C8orf74: variants seen among roughly 807,000 people sequenced by gnomAD.
The protein encoded by C8orf74 is chromosome 8 open reading frame 74, also known as uncharacterized protein C8orf74.
In C8orf74, 29 loss-of-function variants were observed where a neutral mutation model predicts 22.2. The observed-to-expected ratio is 1.31, with a 90% CI of 0.97 to 1.78. The LOEUF is 1.78. C8orf74 is among the 40% of genes most tolerant of loss of function. The probability of loss-of-function intolerance (pLI) is 0.00; values close to 1 mark genes in which losing one functional copy is unlikely to be tolerated. For synonymous variants in C8orf74, 255 were observed against 163.1 expected, an observed-to-expected ratio of 1.56 and a Z score of -4.30; for missense variants, 515 against 369.9, an observed-to-expected ratio of 1.39 and a Z score of -3.22.
rs796426062 is a variant in C8orf74 at position 10,688,198 on chromosome 8, C to T, written c.242-9401C>T. The stretch of plus-strand genomic sequence containing the variant: ...CCAGCCTGGGCAACAGAGCAAGACT[C>T]CACCTCCAGAAAAAAAAAAAAAAGA... On this transcript the variant is annotated intron_variant, in intron 2 of 3. Transcript: ENST00000304519. 50 of 148,022 alleles carry T rather than the reference C, an allele frequency of 3.4e-4. 1 individual carries two copies. The highest frequency in any genetic ancestry group is 1.3e-3 in the African/African-American group (50 of 39,234). The allele number at this position is 148,022 out of a possible 1,614,324, so 9.2% of individuals were successfully genotyped here.
At chr8:10,687,005 G>T in intron 2 of C8orf74, 1 of 437,170 alleles carries the variant, frequency 2.3e-6, no homozygotes, top group Non-Finnish European at 4.6e-6. Context: ...CAACCGCCAA[G>T]AAGGGATTAG....
intron 2 of C8orf74, among the ~76,000 whole-genome samples, chr8:10,694,232 G>C (rs1476990091): frequency 1.2e-4 from 18 of 152,108 alleles, no homozygotes; most frequent in African/African-American, 4.1e-4. Context: ...TCATAGTATT[G>C]CCAGAATCTT....
intron 2 of C8orf74, among the ~76,000 whole-genome samples, chr8:10,680,546 C>T (rs577064635): frequency 6.6e-5 from 10 of 152,322 alleles, no homozygotes; most frequent in East Asian, 1.9e-4. Flanking sequence ...AGGAGCTGCA[C>T]GCAGGCCATC....
chr8:10,700,454 G>C lies in C8orf74; in HGVS notation c.868G>C (p.Ala290Pro). Reference protein sequence around the residue: ...KPQRASKGKKAKARK With the variant: ...KPQRASKGKKPKARK Reference sequence around the variant, plus strand: ...CCAAAGAGCGAGCAAAGGAAAGAAAGCGAAGGCAAGGAAGTAGAAGGTCCC... The same window carrying C: ...CCAAAGAGCGAGCAAAGGAAAGAAACCGAAGGCAAGGAAGTAGAAGGTCCC... Residue 290 changes from alanine to proline, a missense_variant, in exon 4 of 4, where the codon GCG becomes CCG. Ala to Pro is a conservative substitution (Grantham distance 27). Coordinates refer to ENST00000304519, the MANE Select transcript of C8orf74 (RefSeq NM_001040032.2). 1 of 1,545,102 alleles carries C rather than the reference G, an allele frequency of 6.5e-7. No homozygotes were observed. Among genetic ancestry groups the C allele is most frequent in the Non-Finnish European group, 8.8e-7 (1 of 1,141,400 alleles).
intron 2 of C8orf74, chr8:10,675,533 A>G (rs901492395): frequency 2.0e-5 from 3 of 152,236 alleles, no homozygotes; most frequent in Non-Finnish European, 4.4e-5. Flanking sequence ...GGATACTTCC[A>G]TGCTTTCTAA....
chr8:10,684,736 C>T (rs1799224881), intron 2 of C8orf74, among the ~76,000 whole-genome samples: 1 of 152,244 alleles, frequency 6.6e-6, no homozygotes, highest in South Asian at 2.1e-4. Context: ...TTAGAAACCT[C>T]AGCATATGAT....
At chr8:10,689,719 T>C (rs1471060509) in intron 2 of C8orf74, 1 of 152,216 alleles carries the variant, frequency 6.6e-6, no homozygotes, top group Non-Finnish European at 1.5e-5. Context: ...ATATGTATTA[T>C]GTACTGTGTT....
chr8:10,683,137 T>G (rs1184637467), intron 2 of C8orf74, among the ~76,000 whole-genome samples: 1 of 152,192 alleles, frequency 6.6e-6, no homozygotes, highest in African/African-American at 2.4e-5. Flanking sequence ...GGGCCAGGGC[T>G]GCGGAGTGCA....
intron 2 of C8orf74, among the ~76,000 whole-genome samples, chr8:10,697,397 G>C (rs756815810): frequency 9.2e-5 from 14 of 152,198 alleles, no homozygotes; most frequent in Admixed American, 3.3e-4. Context: ...GCTGCAGTGA[G>C]CTACGATTGC....
rs371156270 is a variant in C8orf74 at position 10,674,715 on chromosome 8, C to T, written c.118C>T (p.Arg40Trp). 13 of 1,608,634 alleles carry T rather than the reference C, an allele frequency of 8.1e-6. No homozygotes were observed. The highest frequency in any genetic ancestry group is 4.5e-5 in the South Asian group (4 of 89,734). The change falls in exon 2 of 4, where the codon CGG (arginine) becomes TGG (tryptophan). Residue 40 changes from arginine (R) to tryptophan (W), a missense_variant. Coordinates refer to ENST00000304519, the MANE Select transcript of C8orf74 (RefSeq NM_001040032.2). ...WEEFDEQRDSRRSILLDTLYE... is the reference protein window; with the variant it reads ...WEEFDEQRDSWRSILLDTLYE... ...GGAGTTTGACGAACAGAGAGACTCC[C>T]GGAGGAGCATCCTGCTGGACACCCT...
chr8:10,672,629 G>A lies in C8orf74; in HGVS notation c.-37G>A, dbSNP rs1475828564. 6.4e-7 allele frequency: 1 copy of A among 1,554,124 alleles called. No individual in the cohort carries two copies. Among genetic ancestry groups the A allele is most frequent in the South Asian group, 1.2e-5 (1 of 84,174 alleles). On this transcript the variant is annotated 5_prime_UTR_variant, in exon 1 of 4. Transcript: ENST00000304519. ...CCAGGGTTCCGGAAACTCTGAGTCA[G>A]TCTGGCTCCGTCTCCTGGCAACCAG...
chr8:10,690,749 G>A (rs1799362809), intron 2 of C8orf74: 1 of 408,400 alleles, frequency 2.4e-6, no homozygotes, highest in Non-Finnish European at 5.0e-6. Flanking sequence ...GGAGCCCCCT[G>A]GTCCGAGCCG....
At chr8:10,685,879 C>T (rs1799252647) in intron 2 of C8orf74, among the ~76,000 whole-genome samples, 1 of 152,122 alleles carries the variant, frequency 6.6e-6, no homozygotes, top group South Asian at 2.1e-4. Flanking sequence ...ACCATCCTGG[C>T]TAACACGGTG....
intron 2 of C8orf74, among the ~76,000 whole-genome samples, chr8:10,693,752 G>T (rs993892925): frequency 6.6e-6 from 1 of 152,212 alleles, no homozygotes; most frequent in Non-Finnish European, 1.5e-5. Context: ...GAACCTGGGG[G>T]TTGTGCCAGT....
rs117984736 is a variant in C8orf74, at chr8:10,683,077, G to A, written c.241+8239G>A. 3.7e-4 allele frequency among the ~76,000 whole-genome samples: 57 copies of A among 152,352 alleles called. 4 individuals are homozygous for A. In the East Asian group the frequency reaches 0.011, roughly 29 times the overall value. On this transcript the variant is annotated intron_variant, in intron 2 of 3. Transcript: ENST00000304519. ...CGGGGACCTATCCACTCATCCAGGG[G>A]TGCAGGAAGGCCTGAGAAGCAGGCA...
intron 2 of C8orf74, among the ~76,000 whole-genome samples, chr8:10,678,275 C>G (rs1313610928): frequency 6.6e-6 from 1 of 152,180 alleles, no homozygotes. Context: ...GATGCAGGAT[C>G]ACTCTCCACC....
At chr8:10,685,046 G>A (rs1250321753) in intron 2 of C8orf74, among the ~76,000 whole-genome samples, 1 of 152,242 alleles carries the variant, frequency 6.6e-6, no homozygotes, top group African/African-American at 2.4e-5. Flanking sequence ...ATTCCATCAT[G>A]CCACTCAAAA....
At chr8:10,680,182 C>T (rs1465408334) in intron 2 of C8orf74, among the ~76,000 whole-genome samples, 1 of 152,210 alleles carries the variant, frequency 6.6e-6, no homozygotes, top group Admixed American at 6.5e-5. Context: ...ACTGCAAGCA[C>T]CGCCAATGTG....
intron 2 of C8orf74, among the ~76,000 whole-genome samples, chr8:10,696,332 T>A (rs1799496914): frequency 6.6e-6 from 1 of 151,732 alleles, no homozygotes; most frequent in Non-Finnish European, 1.5e-5. Flanking sequence ...ATGGGGTAAA[T>A]AATATTTTCC....
Sources: allele counts gnomAD v4.1 joint callset (sites outside exome capture counted in the v4.1 genomes callset), GRCh38; gene constraint gnomAD v4.1.1; transcripts MANE v1.5; gene names NCBI Gene and HGNC (gene_info 2026-07-23, HGNC 2026-07-21).